The following NPAS2 variants were observed in gnomAD, a reference collection of about 807,000 sequenced individuals.
NPAS2 encodes the protein neuronal PAS domain-containing protein 2.
Under a neutral mutation model 107.5 loss-of-function variants are expected in NPAS2, and 23 were observed. The observed-to-expected ratio is 0.21, with a 90% CI of 0.15 to 0.30. The LOEUF (loss-of-function observed/expected upper bound fraction) is 0.30, where lower values mean the gene tolerates loss of function less well. NPAS2 is among the 10% of genes least tolerant of loss of function. The pLI is 1.00. For synonymous variants in NPAS2, 403 were observed against 417.5 expected, an observed-to-expected ratio of 0.97 and a Z score of 0.42; for missense variants, 756 against 1,043.3, an observed-to-expected ratio of 0.72 and a Z score of 3.79.
At chr2:100,919,619 C>T (rs1379346919) in intron 2 of NPAS2, among the ~76,000 whole-genome samples, 2 of 152,154 alleles carry the variant, frequency 1.3e-5, no homozygotes, top group African/African-American at 4.8e-5. Flanking sequence ...CATTTCATTT[C>T]CTTTCCCTGT....
chr2:100,819,007 C>G (rs1287979707), upstream of NPAS2, among the ~76,000 whole-genome samples: 2 of 152,170 alleles, frequency 1.3e-5, no homozygotes, highest in African/African-American at 4.8e-5. This position sits in a 1 kb window ranked among gnomAD's most constrained non-coding sequence, Gnocchi z 5.8. Context: ...ACAGCAGCCC[C>G]GGCACCCGGG....
chr2:100,861,526 T>C (rs974060599), intron 1 of NPAS2, among the ~76,000 whole-genome samples: 23 of 152,136 alleles, frequency 1.5e-4, no homozygotes, highest in African/African-American at 5.3e-4. Flanking sequence ...TGGAAGGTTC[T>C]GATTCGGGCC....
At chr2:100,883,964 T>C (rs1335332643) in intron 1 of NPAS2, among the ~76,000 whole-genome samples, 2 of 152,080 alleles carry the variant, frequency 1.3e-5, no homozygotes, top group Non-Finnish European at 2.9e-5. Flanking sequence ...CCCTGAAGCA[T>C]CTTGTGAGTT....
chr2:100,968,375 C>T lies in NPAS2; in HGVS notation c.1002C>T (p.Tyr334=), dbSNP rs1676351558. ...TGCAGACTCACTACTACATCACCTA[C>T]CATCAGTGGAACTCCAAGCCCGAGT... ...IWLQTHYYIT[Y]HQWNSKPEFI... The change falls in exon 11 of 21, where the codon TAC becomes TAT. Residue 334 remains tyrosine, a synonymous_variant. Transcript: ENST00000335681. This position sits in a 1 kb window ranked among gnomAD's most constrained non-coding sequence, Gnocchi z 5.3. The T allele has an allele frequency of 1.2e-6, 2 of 1,613,988 alleles. No individual in the cohort carries two copies. The highest frequency in any genetic ancestry group is 1.3e-5 in the African/African-American group (1 of 74,898).
Position 100,842,081 on chromosome 2 carries a change from G to GCGCGCGCGCGCGCA in NPAS2, c.-23+21668_-23+21669insGCGCGCGCGCGCAC. 1.1e-3 allele frequency among the ~76,000 whole-genome samples: 158 copies of GCGCGCGCGCGCGCA among 148,900 alleles called. 1 individual carries two copies. The highest frequency in any genetic ancestry group is 3.8e-3 in the African/African-American group (155 of 40,714). On this transcript the variant is annotated intron_variant, in intron 1 of 20. Coordinates refer to ENST00000335681, the MANE Select transcript of NPAS2 (RefSeq NM_002518.4). ...TTCATGCATGAGTGTGCATGTACGC[G>GCGCGCGCGCGCGCA]CACACACACACACACACACACACAC...
intron 1 of NPAS2, among the ~76,000 whole-genome samples, chr2:100,863,770 G>A (rs1227808824): frequency 6.6e-6 from 1 of 152,006 alleles, no homozygotes; most frequent in South Asian, 2.1e-4. Context: ...TCTTATTTTA[G>A]TTTCTTCCAT....
intron 1 of NPAS2, chr2:100,877,935 AT>A: frequency 1.0e-6 from 1 of 979,738 alleles, no homozygotes; most frequent in South Asian, 4.7e-5. Flanking sequence ...AACAGTAAAC[AT>A]GGCTGAAACA....
chr2:100,990,738 C>T (rs1201344119), intron 18 of NPAS2, 42 bp from the exon 19 acceptor site: 1 of 1,552,870 alleles, frequency 6.4e-7, no homozygotes, highest in Non-Finnish European at 8.9e-7. Context: ...GTCTGTGGTT[C>T]AGGTGCTGAT....
chr2:100,877,049 A>G (rs973271347), intron 1 of NPAS2, among the ~76,000 whole-genome samples: 4 of 152,194 alleles, frequency 2.6e-5, no homozygotes, highest in African/African-American at 9.6e-5. Context: ...CTCTCCATCA[A>G]CGTCATGGAT....
At position 100,869,188 on chromosome 2, in the gene NPAS2, G is replaced by A. The variant is rs138176180; in HGVS notation, c.-22-35545G>A. Among the ~76,000 whole-genome samples the A allele has an allele frequency of 5.0e-3, 752 of 151,740 alleles. 9 individuals are homozygous for A. The highest frequency in any genetic ancestry group is 0.017 in the African/African-American group (719 of 41,382). On this transcript the variant is annotated intron_variant, in intron 1 of 20. Coordinates refer to ENST00000335681, the MANE Select transcript of NPAS2 (RefSeq NM_002518.4). Reference sequence around the variant, plus strand: ...TGACCTCAAGTGATCCACCTGCCTCGGCCTCCCAAAGTTTTGGGATTACAG... The same window carrying A: ...TGACCTCAAGTGATCCACCTGCCTCAGCCTCCCAAAGTTTTGGGATTACAG...
chr2:100,982,203 G>A (rs1401295936), intron 15 of NPAS2, 28 bp from the exon 16 acceptor site: 2 of 1,613,842 alleles, frequency 1.2e-6, no homozygotes, highest in Non-Finnish European at 8.5e-7. Context: ...TCTTTCATCT[G>A]ATTATGTTTT....
chr2:100,932,995 G>A lies in NPAS2; in HGVS notation c.267G>A (p.Met89Ile), dbSNP rs1255746906. Reference sequence around the variant, plus strand: ...GTAATGAAGAATTCACCCAGCTGATGTTGGAGGTGAAATGCACTTTCAAAA... The same window carrying A: ...GTAATGAAGAATTCACCCAGCTGATATTGGAGGTGAAATGCACTTTCAAAA... ...FLSNEEFTQL[M>I]LEALDGFIIA... Residue 89 changes from methionine to isoleucine, a missense_variant, in exon 4 of 21, where the codon ATG becomes ATA. By Grantham distance (10) the Met-to-Ile change is conservative. Coordinates refer to ENST00000335681, the MANE Select transcript of NPAS2 (RefSeq NM_002518.4). The A allele has an allele frequency of 6.2e-7, 1 of 1,611,764 alleles. No individual in the cohort carries two copies. The highest frequency in any genetic ancestry group is 2.2e-5 in the East Asian group (1 of 44,892).
At chr2:100,979,504 T>TATATATATATATATATATATATATA (rs1558935515) in intron 15 of NPAS2, among the ~76,000 whole-genome samples, 1 of 40,548 alleles carries the variant, frequency 2.5e-5, no homozygotes, top group African/African-American at 1.2e-4. Context: ...ATATATATAT[T>TATATATATATATATATATATATATA]TTTTTTTTTT....
chr2:100,836,338 T>C (rs1677057775), intron 1 of NPAS2, among the ~76,000 whole-genome samples: 1 of 152,166 alleles, frequency 6.6e-6, no homozygotes, highest in South Asian at 2.1e-4. Context: ...ATAAGCATAT[T>C]ACCCTGACCC....
At chr2:100,924,014 T>C (rs2104888326) in intron 2 of NPAS2, among the ~76,000 whole-genome samples, 1 of 152,328 alleles carries the variant, frequency 6.6e-6, no homozygotes, top group Non-Finnish European at 1.5e-5. Context: ...CCCTCCTCTC[T>C]AACCAAGCAG....
intron 16 of NPAS2, chr2:100,984,711 T>C (rs1176719008): frequency 6.6e-6 from 1 of 152,150 alleles, no homozygotes; most frequent in Non-Finnish European, 1.5e-5. Context: ...AATTCTACTT[T>C]ATTGTTGATA....
At chr2:100,826,924 C>T (rs550508663) in intron 1 of NPAS2, among the ~76,000 whole-genome samples, 28 of 152,142 alleles carry the variant, frequency 1.8e-4, no homozygotes, top group Non-Finnish European at 3.7e-4. Context: ...GTTTTCTATT[C>T]TGATTGTTTT....
At chr2:100,828,076 A>C (rs1437780581) in intron 1 of NPAS2, among the ~76,000 whole-genome samples, 1 of 151,974 alleles carries the variant, frequency 6.6e-6, no homozygotes, top group African/African-American at 2.4e-5. Flanking sequence ...TCTCTCCAGC[A>C]TGTGTTTTTT....
At chr2:100,880,196 T>G (rs1179950423) in intron 1 of NPAS2, among the ~76,000 whole-genome samples, 1 of 152,194 alleles carries the variant, frequency 6.6e-6, no homozygotes, top group Non-Finnish European at 1.5e-5. Context: ...GCAGCCGCTG[T>G]GGAAAACAGT....
Sources: gnomAD v4.1 joint callset for allele counts (sites outside exome capture counted in the v4.1 genomes callset) on GRCh38, gnomAD v4.1.1 for gene constraint, Gnocchi (gnomAD v3.1) non-coding constraint, MANE v1.5 for transcripts, NCBI Gene and HGNC (gene_info 2026-07-23, HGNC 2026-07-21) for gene names.